ZNF331: variants seen among roughly 807,000 people sequenced by gnomAD.
ZNF331 encodes the protein zinc finger protein 331.
A neutral mutation model predicts 7.0 loss-of-function variants in ZNF331; 2 were observed. The observed-to-expected ratio is 0.29, with a 90% confidence interval of 0.12 to 0.90. The LOEUF (loss-of-function observed/expected upper bound fraction) is 0.90. ZNF331 is among the 40% of genes least tolerant of loss of function. The pLI is 0.58. For synonymous variants in ZNF331, 196 were observed against 205.4 expected, an observed-to-expected ratio of 0.95 and a Z score of 0.39; for missense variants, 432 against 587.7, an observed-to-expected ratio of 0.74 and a Z score of 2.74.
At chr19:53,532,843 C>A (rs1404712621) in intron 2 of ZNF331, among the ~76,000 whole-genome samples, 1 of 152,034 alleles carries the variant, frequency 6.6e-6, no homozygotes, top group East Asian at 1.9e-4. Flanking sequence ...CTTTGTATTT[C>A]TGTGGTATGA....
intron 2 of ZNF331, among the ~76,000 whole-genome samples, chr19:53,550,206 C>A (rs577113288): frequency 6.6e-6 from 1 of 152,104 alleles, no homozygotes; most frequent in Non-Finnish European, 1.5e-5. Flanking sequence ...TACATGCTGC[C>A]GCTATTAGAG....
chr19:53,550,836 C>T (rs949756780), intron 2 of ZNF331, among the ~76,000 whole-genome samples: 3 of 145,478 alleles, frequency 2.1e-5, no homozygotes, highest in African/African-American at 5.2e-5. Context: ...CATGCCTGGC[C>T]GTTAATCTTT....
chr19:53,572,907 C>G (rs955041024), intron 5 of ZNF331, among the ~76,000 whole-genome samples: 1 of 152,034 alleles, frequency 6.6e-6, no homozygotes, highest in African/African-American at 2.4e-5. Context: ...GGCATAATGC[C>G]TACAGAAATT....
At chr19:53,512,152 G>C in the ZNF331 span, 1 of 152,306 alleles carries the variant, frequency 6.6e-6, no homozygotes, top group East Asian at 1.9e-4. Context: ...GGAAGAGGTG[G>C]GCCTCTCTCC....
intron 2 of ZNF331, among the ~76,000 whole-genome samples, chr19:53,551,710 T>C (rs1247169070): frequency 6.6e-6 from 1 of 152,174 alleles, no homozygotes; most frequent in Non-Finnish European, 1.5e-5. Flanking sequence ...GTATTGAACA[T>C]GTACAGACTT....
intron 2 of ZNF331, among the ~76,000 whole-genome samples, chr19:53,550,919 G>A (rs898706448): frequency 2.8e-5 from 4 of 143,812 alleles, no homozygotes; most frequent in Non-Finnish European, 6.0e-5. Flanking sequence ...GTGCAATCTC[G>A]GCCCAACCTC....
chr19:53,566,557 G>A (rs768318315), intron 3 of ZNF331, among the ~76,000 whole-genome samples: 33 of 151,930 alleles, frequency 2.2e-4, no homozygotes, highest in Middle Eastern at 3.2e-3. Flanking sequence ...CAAGGGTTCC[G>A]TGTAAACCAC....
chr19:53,542,012 A>AT (rs111710425), intron 2 of ZNF331, among the ~76,000 whole-genome samples: 1 of 151,502 alleles, frequency 6.6e-6, no homozygotes, highest in Non-Finnish European at 1.5e-5. Flanking sequence ...AAAAAAAAAA[A>AT]CAAGAAAAAA....
At chr19:53,535,467 C>T (rs1239910932), upstream of ZNF331, among the ~76,000 whole-genome samples, 1 of 152,178 alleles carries the variant, frequency 6.6e-6, no homozygotes, top group African/African-American at 2.4e-5. Context: ...TTCCCCTCCA[C>T]CTCTAAGCAT....
intron 3 of ZNF331, among the ~76,000 whole-genome samples, chr19:53,559,122 T>TAC (rs532440017): frequency 3.2e-5 from 4 of 124,498 alleles, no homozygotes; most frequent in African/African-American, 1.2e-4. Context: ...ACACCATACA[T>TAC]ACACACACAC....
At chr19:53,535,904 C>G (rs1568468890), upstream of ZNF331, among the ~76,000 whole-genome samples, 3 of 151,724 alleles carry the variant, frequency 2.0e-5, no homozygotes, top group Admixed American at 1.3e-4. Flanking sequence ...CTCCCAGGTT[C>G]AAGCGAATCT....
chr19:53,520,076 T>C (rs148306110), upstream of ZNF331, among the ~76,000 whole-genome samples: 1,920 of 152,122 alleles, frequency 0.013, 18 homozygotes, highest in Non-Finnish European at 0.019. Flanking sequence ...AGACATTGTT[T>C]CACTCTTATC....
chr19:53,534,986 A>G (rs1171331221), upstream of ZNF331, among the ~76,000 whole-genome samples: 1 of 146,710 alleles, frequency 6.8e-6, no homozygotes, highest in Non-Finnish European at 1.5e-5. Flanking sequence ...ATAATTATAT[A>G]CTTTATAATG....
chr19:53,574,521 T>C (rs1272353329), intron 5 of ZNF331, among the ~76,000 whole-genome samples: 1 of 138,338 alleles, frequency 7.2e-6, no homozygotes, highest in Non-Finnish European at 1.5e-5. Flanking sequence ...CTGGTGCTGC[T>C]GGTCTGTGGG....
chr19:53,572,706 C>A (rs770339978), intron 5 of ZNF331, among the ~76,000 whole-genome samples: 19 of 151,338 alleles, frequency 1.3e-4, no homozygotes, highest in Admixed American at 2.6e-4. Context: ...GTGCTAAGCA[C>A]TGTGTGTGTA....
chr19:53,577,385 C>A lies in ZNF331; in HGVS notation c.825C>A (p.Asp275Glu), dbSNP rs777562609. 3.7e-6 allele frequency: 6 copies of A among 1,614,178 alleles called. No homozygotes were observed. Among genetic ancestry groups the A allele is most frequent in the Non-Finnish European group, 5.1e-6 (6 of 1,180,038 alleles). ...HSGEKPYECK[D>E]CGKAFICGSS... Reference sequence around the variant, plus strand: ...GGGAGAAGCCTTACGAGTGTAAAGACTGTGGGAAGGCTTTTATTTGTGGTT... The same window carrying A: ...GGGAGAAGCCTTACGAGTGTAAAGAATGTGGGAAGGCTTTTATTTGTGGTT... Residue 275 changes from aspartate (D) to glutamate (E), a missense_variant, in exon 6 of 6, where the codon GAC (aspartate) becomes GAA (glutamate). Physicochemically the swap from Asp to Glu is conservative, Grantham distance 45. This residue lies in a region of ZNF331 where 312 missense variants were observed against 448.6 expected (regional missense o/e 0.70). Transcript: ENST00000449416.
At position 53,580,044 on chromosome 19, in the gene ZNF331, C is replaced by G. The variant is rs946135022; in HGVS notation, c.*2092C>G. The G allele has an allele frequency of 1.4e-5, 3 of 211,288 alleles. No homozygotes were observed. The highest frequency in any genetic ancestry group is 1.2e-4 in the Admixed American group (2 of 16,960). 13.1% of individuals were successfully genotyped at this position (211,288 alleles called of 1,614,324 possible). On this transcript the variant is annotated 3_prime_UTR_variant, in exon 6 of 6. Coordinates refer to ENST00000449416, the MANE Select transcript of ZNF331 (RefSeq NM_001079906.2). ...AGTAAAACCACAATGTGCTGTCACT[C>G]TAGACAGTCACCAGGATGATTAAAT...
rs2089617772 is a variant in ZNF331 at position 53,558,970 on chromosome 19, T to G, written c.-74+3062T>G. On this transcript the variant is annotated intron_variant, in intron 3 of 5. Transcript: ENST00000449416. The surrounding 1 kb of genome is among the most constrained non-coding windows in gnomAD (Gnocchi z 4.5). ...ATATACACATACCATATACACACCA[T>G]ACACACATATACACACACATACCCC... 7.0e-6 allele frequency among the ~76,000 whole-genome samples: 1 copy of G among 143,652 alleles called. No homozygotes were observed. Among genetic ancestry groups the G allele is most frequent in the Admixed American group, 6.9e-5 (1 of 14,580 alleles). 94.2% of individuals were successfully genotyped at this position (143,652 alleles called of 152,430 possible).
chr19:53,534,068 C>T (rs886841524), upstream of ZNF331, among the ~76,000 whole-genome samples: 1 of 152,054 alleles, frequency 6.6e-6, no homozygotes, highest in African/African-American at 2.4e-5. Flanking sequence ...TTATAGCAGC[C>T]AAAACGGACT....
Sources: gnomAD v4.1 joint callset for allele counts (sites outside exome capture counted in the v4.1 genomes callset) on GRCh38, gnomAD v4.1.1 for gene constraint, gnomAD v4.1.1 regional missense constraint, Gnocchi (gnomAD v3.1) non-coding constraint, MANE v1.5 for transcripts, NCBI Gene and HGNC (gene_info 2026-07-23, HGNC 2026-07-21) for gene names.